CACNA1S: variants seen among roughly 807,000 people sequenced by gnomAD.
CACNA1S encodes the protein voltage-dependent L-type calcium channel subunit alpha-1S.
A neutral mutation model predicts 207.4 loss-of-function variants in CACNA1S; 126 were observed. The observed-to-expected ratio is 0.61, with a 90% CI of 0.53 to 0.70. The LOEUF (loss-of-function observed/expected upper bound fraction) is 0.70, where lower values mean the gene tolerates loss of function less well. CACNA1S is among the 30% of genes least tolerant of loss of function. The probability of loss-of-function intolerance (pLI) is 0.00; values close to 1 mark genes in which losing one functional copy is unlikely to be tolerated. For missense variants in CACNA1S, 2,349 were observed against 2,422.8 expected (o/e 0.97, Z 0.64); for synonymous variants, 960 against 932.7 (o/e 1.03, Z -0.53).
At chr1:201,102,926 T>C (rs958040389) in intron 2 of CACNA1S, among the ~76,000 whole-genome samples, 2 of 152,134 alleles carry the variant, frequency 1.3e-5, no homozygotes, top group Admixed American at 1.3e-4. Context: ...GGGCTGTTAG[T>C]GCTGGGAGGT....
At chr1:201,070,595 C>T (rs113125413) in intron 16 of CACNA1S, among the ~76,000 whole-genome samples, 191 bp from the exon 17 acceptor site, 24 of 152,226 alleles carry the variant, frequency 1.6e-4, no homozygotes, top group African/African-American at 4.3e-4. Flanking sequence ...CAGATTTGAG[C>T]GTCAAGGGTA....
At chr1:201,054,643 T>A in intron 28 of CACNA1S, 82 bp from the exon 29 acceptor site, 2 of 1,004,762 alleles carry the variant, frequency 2.0e-6, no homozygotes, top group Admixed American at 4.7e-5. Context: ...AAGAGACGTG[T>A]CAGAAAGGAC....
chr1:201,095,144 A>G (rs868155546), intron 2 of CACNA1S, among the ~76,000 whole-genome samples: 5 of 62,524 alleles, frequency 8.0e-5, no homozygotes, highest in Admixed American at 1.8e-4. Flanking sequence ...GTGTGTGTGT[A>G]TACATATATA....
chr1:201,052,624 C>G lies in CACNA1S; in HGVS notation c.3886G>C (p.Asp1296His), dbSNP rs1436215728. The change falls in exon 32 of 44, where the codon GAT becomes CAT. Residue 1296 changes from aspartate to histidine, a missense_variant. Asp to His is a moderately conservative substitution (Grantham distance 81, BLOSUM62 -1). Transcript: ENST00000362061. Reference protein sequence around the residue: ...MQMFGKIALVDGTQINRNNNF... With the variant: ...MQMFGKIALVHGTQINRNNNF... ...TTGTTCCGGTTTATTTGGGTCCCAT[C>G]CACCAAGGCGATCTTCCCAAACATC... 6.8e-6 allele frequency: 11 copies of G among 1,613,758 alleles called. No individual in the cohort carries two copies. The highest frequency in any genetic ancestry group is 7.6e-6 in the Non-Finnish European group (9 of 1,179,914).
intron 2 of CACNA1S, among the ~76,000 whole-genome samples, chr1:201,101,638 A>G (rs2102178625): frequency 6.6e-6 from 1 of 152,250 alleles, no homozygotes; most frequent in Admixed American, 6.5e-5. Context: ...AGGCACACAC[A>G]CCTTCTGGTG....
intron 11 of CACNA1S, 39 bp from the exon 12 acceptor site, chr1:201,077,166 C>A: frequency 1.3e-6 from 2 of 1,566,186 alleles, no homozygotes; most frequent in South Asian, 2.2e-5. Flanking sequence ...GGAGACAGAC[C>A]CTCTCACTGG....
chr1:201,049,143 GCTGCCAGAACCTTT>G (rs1471194640), intron 34 of CACNA1S, 44 bp from the exon 35 acceptor site: 17 of 1,375,372 alleles, frequency 1.2e-5, no homozygotes, highest in Non-Finnish European at 1.7e-5. Flanking sequence ...ACCCTCCTCC[GCTGCCAGAACCTTT>G]CTGCTCAGAG....
At chr1:201,071,777 C>A (rs967133025) in intron 16 of CACNA1S, among the ~76,000 whole-genome samples, 1 of 152,178 alleles carries the variant, frequency 6.6e-6, no homozygotes, top group African/African-American at 2.4e-5. Context: ...TTCTAAAACA[C>A]AAATATTCAT....
intron 22 of CACNA1S, among the ~76,000 whole-genome samples, chr1:201,065,051 T>C (rs896042694): frequency 1.3e-5 from 2 of 152,032 alleles, no homozygotes; most frequent in African/African-American, 4.8e-5. Flanking sequence ...TGTGGGGCCC[T>C]GGGAGGAGGG....
At chr1:201,044,977 T>G (rs866085414) in intron 38 of CACNA1S, among the ~76,000 whole-genome samples, 1 of 152,340 alleles carries the variant, frequency 6.6e-6, no homozygotes, top group Non-Finnish European at 1.5e-5. Context: ...ATTGTTCCAA[T>G]TGAGTCATCT....
chr1:201,087,770 C>T, intron 7 of CACNA1S, 56 bp downstream of exon 7: 1 of 1,180,576 alleles, frequency 8.5e-7, no homozygotes, highest in Non-Finnish European at 1.3e-6. Context: ...CCTTCCTCCT[C>T]CTTCTCCCCT....
intron 2 of CACNA1S, among the ~76,000 whole-genome samples, chr1:201,104,762 C>T (rs934730573): frequency 6.6e-6 from 1 of 152,166 alleles, no homozygotes; most frequent in Admixed American, 6.5e-5. Flanking sequence ...CATGTCTGCC[C>T]AACAATTAGG....
At chr1:201,109,432 T>A (rs1357980079) in intron 2 of CACNA1S, among the ~76,000 whole-genome samples, 2 of 152,144 alleles carry the variant, frequency 1.3e-5, no homozygotes, top group African/African-American at 4.8e-5. Context: ...AATAATACAA[T>A]AATGTAAAAT....
chr1:201,056,076 C>G (rs918150966), intron 28 of CACNA1S, among the ~76,000 whole-genome samples: 1 of 134,106 alleles, frequency 7.5e-6, no homozygotes, highest in African/African-American at 2.7e-5. Context: ...GACAGACACA[C>G]ACACACACAC....
chr1:201,064,532 A>C (rs1362489947), intron 22 of CACNA1S, among the ~76,000 whole-genome samples: 1 of 152,242 alleles, frequency 6.6e-6, no homozygotes, highest in Non-Finnish European at 1.5e-5. Flanking sequence ...TACTCCATAC[A>C]TGTTTGTTGA....
chr1:201,084,287 CA>C (rs1000210854), intron 9 of CACNA1S, among the ~76,000 whole-genome samples: 4 of 152,004 alleles, frequency 2.6e-5, no homozygotes, highest in South Asian at 4.2e-4. Context: ...AAAACAAAAA[CA>C]AAAAAATCCT....
At chr1:201,089,800 G>C (rs1399233272) in intron 5 of CACNA1S, among the ~76,000 whole-genome samples, 1 of 152,376 alleles carries the variant, frequency 6.6e-6, no homozygotes, top group South Asian at 2.1e-4. Context: ...GAAGGCAGCT[G>C]CCTGGCTGGA....
At position 201,102,172 on chromosome 1, in the gene CACNA1S, G is replaced by A. The variant is rs185138162; in HGVS notation, c.258+7992C>T. On this transcript the variant is annotated intron_variant, in intron 2 of 43. Transcript: ENST00000362061. ...TGGCGTGACCTGAAGACAAGAAAGG[G>A]GGAGGAGGGGGTCCTCCTGGAGTCC... is the stretch of plus-strand genomic sequence containing the variant. Among the ~76,000 whole-genome samples the A allele has an allele frequency of 5.9e-5, 9 of 152,328 alleles. No individual in the cohort carries two copies. In the South Asian group the frequency reaches 6.2e-4, roughly 11 times the overall value.
rs1325312 is a variant in CACNA1S, at chr1:201,109,893, A to G, written c.258+271T>C. On this transcript the variant is annotated intron_variant, in intron 2 of 43. Transcript: ENST00000362061. Reference sequence around the variant, plus strand: ...TGAGTTGGTTGTGAGGATTAAATGAATTTACTCTCATCAGGTATTAGCACA... The same window carrying G: ...TGAGTTGGTTGTGAGGATTAAATGAGTTTACTCTCATCAGGTATTAGCACA... Among the ~76,000 whole-genome samples, 70,529 of 152,088 alleles carry G rather than the reference A, an allele frequency of 0.46. 17,047 individuals are homozygous for G. The highest frequency in any genetic ancestry group is 0.82 in the East Asian group (4,219 of 5,174).
Sources: allele counts gnomAD v4.1 joint callset (sites outside exome capture counted in the v4.1 genomes callset), GRCh38; gene constraint gnomAD v4.1.1; transcripts MANE v1.5; gene names NCBI Gene and HGNC (gene_info 2026-07-23, HGNC 2026-07-21).